The following PTPRM variants were observed in gnomAD, a reference collection of about 807,000 sequenced individuals.
The protein encoded by PTPRM is protein tyrosine phosphatase receptor type M, also known as receptor-type tyrosine-protein phosphatase mu.
A neutral mutation model predicts 186.7 loss-of-function variants in PTPRM; 47 were observed. The ratio of observed to expected loss-of-function variants is 0.25; its 90% CI spans 0.20 to 0.32. The LOEUF (loss-of-function observed/expected upper bound fraction) is 0.32. Among genes scored for constraint, PTPRM ranks in the 10% least tolerant of loss-of-function variants. The pLI, the probability that PTPRM is intolerant of heterozygous loss-of-function variation, is 1.00. For synonymous variants in PTPRM, 668 were observed against 674.9 expected (o/e 0.99, Z 0.16); for missense variants, 1,494 against 1,865.0 (o/e 0.80, Z 3.66).
At chr18:7,833,669 G>A (rs1303164746) in intron 2 of PTPRM, among the ~76,000 whole-genome samples, 1 of 150,536 alleles carries the variant, frequency 6.6e-6, no homozygotes, top group Non-Finnish European at 1.5e-5. Context: ...AGGAGGTGGA[G>A]GTTACAGTGA....
intron 11 of PTPRM, among the ~76,000 whole-genome samples, chr18:8,095,465 G>A (rs1365716077): frequency 6.6e-6 from 1 of 152,142 alleles, no homozygotes; most frequent in Non-Finnish European, 1.5e-5. Context: ...AGAGAGAGGG[G>A]TGGGATGGGA....
rs186157885 is a variant in PTPRM at position 8,146,224 on chromosome 18, A to G, written c.2300+2445A>G. Among the ~76,000 whole-genome samples, 576 of 152,084 alleles carry G rather than the reference A, an allele frequency of 3.8e-3. 4 individuals carry two copies. Among genetic ancestry groups the G allele is most frequent in the African/African-American group, 0.013 (533 of 41,544 alleles). On this transcript the variant is annotated intron_variant, in intron 14 of 32. Transcript: ENST00000580170. Reference sequence around the variant, plus strand: ...TTTTTAGTAGAGACAGGGTTTCTCCATGTTGGTCAAGCTGGTCTCAAACTC... The same window carrying G: ...TTTTTAGTAGAGACAGGGTTTCTCCGTGTTGGTCAAGCTGGTCTCAAACTC...
At chr18:7,802,119 C>T (rs1308935128) in intron 2 of PTPRM, among the ~76,000 whole-genome samples, 1 of 152,126 alleles carries the variant, frequency 6.6e-6, no homozygotes, top group African/African-American at 2.4e-5. Flanking sequence ...CTGAGGTTCT[C>T]ACCGACCTTT....
At chr18:8,288,677 G>GT (rs1427389779) in intron 19 of PTPRM, among the ~76,000 whole-genome samples, 6 of 152,256 alleles carry the variant, frequency 3.9e-5, no homozygotes, top group African/African-American at 7.2e-5. Context: ...TGAAGGATAT[G>GT]TTTTTTTGCT....
chr18:7,885,882 G>C (rs1187939132), intron 2 of PTPRM, among the ~76,000 whole-genome samples: 1 of 152,170 alleles, frequency 6.6e-6, no homozygotes, highest in Non-Finnish European at 1.5e-5. Flanking sequence ...TTCCTTAACA[G>C]TAATGGTAGA....
At chr18:8,331,389 T>G (rs937210920) in intron 22 of PTPRM, among the ~76,000 whole-genome samples, 25 of 152,194 alleles carry the variant, frequency 1.6e-4, no homozygotes, top group African/African-American at 5.8e-4. Flanking sequence ...TTCTTAAAAT[T>G]TCTTCCATAT....
At chr18:8,280,978 A>G (rs1175750683) in intron 19 of PTPRM, among the ~76,000 whole-genome samples, 1 of 152,228 alleles carries the variant, frequency 6.6e-6, no homozygotes, top group African/African-American at 2.4e-5. Flanking sequence ...ACATATTAAT[A>G]CCCATGATAG....
At chr18:7,578,784 G>A (rs7231577) in intron 1 of PTPRM, among the ~76,000 whole-genome samples, 13,303 of 152,040 alleles carry the variant, frequency 0.087, 894 homozygotes, top group African/African-American at 0.18. Flanking sequence ...TCCTTGCAGA[G>A]TTATTGCAAA....
chr18:7,632,657 G>A (rs1469309355), intron 1 of PTPRM, among the ~76,000 whole-genome samples: 1 of 152,184 alleles, frequency 6.6e-6, no homozygotes, highest in Admixed American at 6.5e-5. Context: ...GCCATCAACT[G>A]TGCCAGAAGT....
At chr18:7,589,840 A>G (rs886826392) in intron 1 of PTPRM, among the ~76,000 whole-genome samples, 6 of 152,208 alleles carry the variant, frequency 3.9e-5, no homozygotes, top group Non-Finnish European at 5.9e-5. Context: ...TGTTTTGGAC[A>G]GTGGGTAGTT....
At chr18:8,213,545 T>A (rs920418197) in intron 14 of PTPRM, among the ~76,000 whole-genome samples, 1 of 152,138 alleles carries the variant, frequency 6.6e-6, no homozygotes, top group African/African-American at 2.4e-5. Flanking sequence ...ACAATTGAGA[T>A]GTCAGTTCAC....
chr18:7,828,391 G>C (rs1248406122), intron 2 of PTPRM, among the ~76,000 whole-genome samples: 1 of 151,890 alleles, frequency 6.6e-6, no homozygotes, highest in East Asian at 1.9e-4. Flanking sequence ...GTCTCCTAAT[G>C]CTATCCCTCC....
At chr18:7,978,798 T>C (rs930608345) in intron 7 of PTPRM, among the ~76,000 whole-genome samples, 1 of 152,212 alleles carries the variant, frequency 6.6e-6, no homozygotes, top group Non-Finnish European at 1.5e-5. Flanking sequence ...TGAAACATTA[T>C]GAAGGGTCTG....
At chr18:7,643,059 A>T (rs913946470) in intron 1 of PTPRM, among the ~76,000 whole-genome samples, 10 of 151,944 alleles carry the variant, frequency 6.6e-5, no homozygotes, top group African/African-American at 2.2e-4. Context: ...ATACTGTCTT[A>T]TTCCCTTAAA....
chr18:7,651,635 AAAAC>A (rs2038707570), intron 1 of PTPRM, among the ~76,000 whole-genome samples: 1 of 151,970 alleles, frequency 6.6e-6, no homozygotes, highest in South Asian at 2.1e-4. Flanking sequence ...AAACCTGAGA[AAAAC>A]AAGCAATGGG....
chr18:8,364,659 A>G (rs750095342), intron 23 of PTPRM, among the ~76,000 whole-genome samples: 18 of 152,184 alleles, frequency 1.2e-4, no homozygotes, highest in African/African-American at 4.3e-4. Context: ...AAACACAACT[A>G]TTAATAGAAG....
chr18:8,193,321 T>C (rs1282731763), intron 14 of PTPRM, among the ~76,000 whole-genome samples: 1 of 152,178 alleles, frequency 6.6e-6, no homozygotes, highest in Non-Finnish European at 1.5e-5. Context: ...GAAGCTGTGG[T>C]GAAGAAAGCT....
At chr18:8,109,590 C>G (rs533080689) in intron 11 of PTPRM, among the ~76,000 whole-genome samples, 3 of 152,066 alleles carry the variant, frequency 2.0e-5, no homozygotes, top group Non-Finnish European at 4.4e-5. Flanking sequence ...TCACCTAATC[C>G]TCATTAAACT....
At chr18:8,052,794 C>G (rs1288694435) in intron 7 of PTPRM, among the ~76,000 whole-genome samples, 2 of 152,180 alleles carry the variant, frequency 1.3e-5, no homozygotes, top group Non-Finnish European at 2.9e-5. Context: ...ATCCCACTCT[C>G]ATTAATGATG....
Sources: allele counts gnomAD v4.1 joint callset (sites outside exome capture counted in the v4.1 genomes callset), GRCh38; gene constraint gnomAD v4.1.1; transcripts MANE v1.5; gene names NCBI Gene and HGNC (gene_info 2026-07-23, HGNC 2026-07-21).